NCKAP1: variants seen among roughly 807,000 people sequenced by gnomAD.
NCKAP1 encodes NCK associated protein 1, also known as nck-associated protein 1.
In NCKAP1, 21 loss-of-function variants were observed where a neutral mutation model predicts 151.2. That is an observed-to-expected ratio of 0.14 (90% CI 0.10 to 0.20). NCKAP1 has a LOEUF of 0.20. Ranked by LOEUF, NCKAP1 falls within the 10% of genes least tolerant of loss-of-function variation. The pLI, the probability that NCKAP1 is intolerant of heterozygous loss-of-function variation, is 1.00. For missense variants in NCKAP1, 933 were observed against 1,352.1 expected (o/e 0.69, Z 4.86); for synonymous variants, 484 against 451.8 (o/e 1.07, Z -0.90).
chr2:183,013,664 T>G (rs1698631047), intron 2 of NCKAP1, among the ~76,000 whole-genome samples: 1 of 152,142 alleles, frequency 6.6e-6, no homozygotes, highest in South Asian at 2.1e-4. Flanking sequence ...CACAGTCATA[T>G]CACTTCATTC....
At chr2:183,006,372 T>C (rs1698472449) in intron 2 of NCKAP1, among the ~76,000 whole-genome samples, 1 of 152,194 alleles carries the variant, frequency 6.6e-6, no homozygotes, top group African/African-American at 2.4e-5. Context: ...AAAGGAAGCT[T>C]GCAGATCACT....
At chr2:183,014,967 G>T (rs1698656209) in intron 2 of NCKAP1, among the ~76,000 whole-genome samples, 2 of 152,162 alleles carry the variant, frequency 1.3e-5, no homozygotes, top group South Asian at 4.1e-4. Context: ...ATCACTTACA[G>T]GCAAGACATA....
intron 23 of NCKAP1, among the ~76,000 whole-genome samples, chr2:182,945,166 C>T (rs545098412): frequency 6.6e-6 from 1 of 151,882 alleles, no homozygotes; most frequent in Non-Finnish European, 1.5e-5. Flanking sequence ...ACCCGGGAGG[C>T]AGAGGTTGTA....
At chr2:182,949,408 T>C (rs1252490558) in intron 23 of NCKAP1, among the ~76,000 whole-genome samples, 1 of 152,204 alleles carries the variant, frequency 6.6e-6, no homozygotes, top group Non-Finnish European at 1.5e-5. Context: ...TTGGCCTCAC[T>C]TTCCTAATTT....
chr2:182,952,563 C>A, intron 22 of NCKAP1, 61 bp from the exon 23 acceptor site: 2 of 1,279,516 alleles, frequency 1.6e-6, no homozygotes, highest in Non-Finnish European at 1.1e-6. Flanking sequence ...AGAAAATGAA[C>A]ATTAACACAA....
At chr2:183,020,485 A>G (rs975474537) in intron 2 of NCKAP1, among the ~76,000 whole-genome samples, 8 of 150,878 alleles carry the variant, frequency 5.3e-5, no homozygotes, top group African/African-American at 1.7e-4. Context: ...AAAAAAGAAA[A>G]AAAAGAAAAA....
At chr2:183,004,504 AAAAC>A (rs1483329572) in intron 2 of NCKAP1, among the ~76,000 whole-genome samples, 3 of 151,630 alleles carry the variant, frequency 2.0e-5, no homozygotes, top group Admixed American at 6.6e-5. Flanking sequence ...AAAAAAAAAA[AAAAC>A]AGCAAGCACA....
chr2:182,983,321 C>G lies in NCKAP1; in HGVS notation c.1066G>C (p.Val356Leu). Residue 356 changes from valine to leucine, a missense_variant, in exon 11 of 31, where the codon GTC becomes CTC. This residue lies in a region of NCKAP1 where 607 missense variants were observed against 795.0 expected (regional missense o/e 0.76). Transcript: ENST00000361354. Reference sequence around the variant, plus strand: ...AGCAATCCAGGTTGATCAGAGAGGACAGTAGCCAATTCCTTCAGTGCAGAT... The same window carrying G: ...AGCAATCCAGGTTGATCAGAGAGGAGAGTAGCCAATTCCTTCAGTGCAGAT... The part of the protein sequence containing the change: ...LRSALKELAT[V>L]LSDQPGLLGP... 2 of 1,613,066 alleles carry G rather than the reference C, an allele frequency of 1.2e-6. No homozygotes were observed. Among genetic ancestry groups the G allele is most frequent in the Non-Finnish European group, 8.5e-7 (1 of 1,179,130 alleles).
chr2:182,975,128 A>T (rs944951681), intron 15 of NCKAP1, among the ~76,000 whole-genome samples: 2 of 152,214 alleles, frequency 1.3e-5, no homozygotes, highest in African/African-American at 4.8e-5. Context: ...TTAAACATGT[A>T]TATCCTTTGG....
At chr2:182,934,631 A>C in intron 26 of NCKAP1, 121 bp downstream of exon 26, 1 of 604,408 alleles carries the variant, frequency 1.7e-6, no homozygotes, top group Non-Finnish European at 2.9e-6. Flanking sequence ...CAAGCATGCT[A>C]ACTAACCACT....
chr2:183,001,488 A>C lies in NCKAP1; in HGVS notation c.603+465T>G, dbSNP rs1575058198. Among the ~76,000 whole-genome samples, 5 of 152,252 alleles carry C rather than the reference A, an allele frequency of 3.3e-5. No individual in the cohort carries two copies. In the South Asian group the frequency reaches 6.2e-4, roughly 19 times the overall value. On this transcript the variant is annotated intron_variant, in intron 6 of 30. Transcript: ENST00000361354. ...TGAGACTATAATAAAGTTAAAATTT[A>C]TCAAACACTGTACTTTTTAATGAAG...
At position 182,982,941 on chromosome 2, in the gene NCKAP1, A is replaced by T. The variant is rs145195738; in HGVS notation, c.1102-14T>A. The T allele has an allele frequency of 1.3e-6, 2 of 1,561,970 alleles. No individual in the cohort carries two copies. The highest frequency in any genetic ancestry group is 1.7e-6 in the Non-Finnish European group (2 of 1,150,120). On this transcript the variant is annotated splice_polypyrimidine_tract_variant and intron_variant, in intron 11 of 30. Coordinates refer to ENST00000361354, the MANE Select transcript of NCKAP1 (RefSeq NM_013436.5). ...AACAAAAAGTGCCTGTTTAAAAAAA[A>T]GTAAGTGTTTATTCTTATTCAAAGA...
intron 23 of NCKAP1, among the ~76,000 whole-genome samples, chr2:182,946,455 G>A (rs1697108123): frequency 6.6e-6 from 1 of 151,956 alleles, no homozygotes; most frequent in African/African-American, 2.4e-5. Flanking sequence ...GAGGGTGGGA[G>A]GAGGTTAAGG....
chr2:183,037,096 T>A (rs1699116503), intron 1 of NCKAP1, among the ~76,000 whole-genome samples: 1 of 152,228 alleles, frequency 6.6e-6, no homozygotes, highest in South Asian at 2.1e-4. Context: ...TATCTTTACA[T>A]GGACTTTTCT....
rs759179119 is a variant in NCKAP1, at chr2:183,002,993, C to T, written c.350G>A (p.Cys117Tyr). ...ACTTACAATATCAAAGAAGACTTGG[C>T]AAACGTCAATAGTATTCAGCAATTC... The part of the protein sequence containing the change: ...VCELLNTIDV[C>Y]QVFFDITVNF... The change falls in exon 4 of 31, where the codon TGC becomes TAC. Residue 117 changes from cysteine to tyrosine, a missense_variant. Cys to Tyr is a radical substitution (Grantham distance 194). This residue lies in a region of NCKAP1 where 607 missense variants were observed against 795.0 expected (regional missense o/e 0.76). Coordinates refer to ENST00000361354, the MANE Select transcript of NCKAP1 (RefSeq NM_013436.5). The T allele has an allele frequency of 1.9e-6, 3 of 1,607,724 alleles. No homozygotes were observed. In the South Asian group the frequency reaches 3.3e-5, roughly 18 times the overall value.
chr2:182,967,756 A>G (rs1697602588), intron 15 of NCKAP1, among the ~76,000 whole-genome samples: 2 of 152,250 alleles, frequency 1.3e-5, no homozygotes, highest in Admixed American at 6.5e-5. Context: ...TGTTGATTCA[A>G]TGAGGTTTTA....
chr2:182,956,008 C>A (rs1697317560), intron 20 of NCKAP1, among the ~76,000 whole-genome samples: 1 of 152,084 alleles, frequency 6.6e-6, no homozygotes, highest in Non-Finnish European at 1.5e-5. Flanking sequence ...ATCTGGGTAT[C>A]TTCAGTAATT....
At position 182,942,086 on chromosome 2, in the gene NCKAP1, C is replaced by T. The variant is rs1243343407; in HGVS notation, c.2679G>A (p.Leu893=). Residue 893 remains leucine, a synonymous_variant, in exon 24 of 31, where the codon CTG becomes CTA. Transcript: ENST00000361354. ...GTTACCCACATGATAATCTTTTAAA[C>T]AGTGCAGCCATCTGGTCTGGTTTGT... is the stretch of plus-strand genomic sequence containing the variant. The part of the protein sequence containing the change: ...SFDKPDQMAA[L]FKRLSSVDSV... The T allele has an allele frequency of 1.9e-6, 3 of 1,611,638 alleles. No individual in the cohort carries two copies. Among genetic ancestry groups the T allele is most frequent in the East Asian group, 2.2e-5 (1 of 44,806 alleles).
intron 1 of NCKAP1, among the ~76,000 whole-genome samples, chr2:183,029,764 G>A (rs1233879259): frequency 1.4e-5 from 2 of 144,370 alleles, no homozygotes; most frequent in Non-Finnish European, 3.0e-5. Flanking sequence ...AGTCTACAGT[G>A]AGCCCTGTTC....
Sources: gnomAD v4.1 joint callset for allele counts (sites outside exome capture counted in the v4.1 genomes callset) on GRCh38, gnomAD v4.1.1 for gene constraint, gnomAD v4.1.1 regional missense constraint, MANE v1.5 for transcripts, NCBI Gene and HGNC (gene_info 2026-07-23, HGNC 2026-07-21) for gene names.